Variants in GRIP2 observed in about 807,000 individuals in gnomAD.
GRIP2 encodes the protein glutamate receptor-interacting protein 2.
In GRIP2, 58 loss-of-function variants were observed where a neutral mutation model predicts 108.3. That is an observed-to-expected ratio of 0.54 (90% CI 0.43 to 0.67). The LOEUF is 0.67. Ranked by LOEUF, GRIP2 falls within the 30% of genes least tolerant of loss-of-function variation. GRIP2 has a pLI of 0.00. For synonymous variants in GRIP2, 586 were observed against 598.2 expected, an observed-to-expected ratio of 0.98 and a Z score of 0.30; for missense variants, 1,278 against 1,430.6, an observed-to-expected ratio of 0.89 and a Z score of 1.72.
the GRIP2 span, among the ~76,000 whole-genome samples, chr3:14,590,211 T>C: frequency 1.3e-5 from 2 of 152,214 alleles, no homozygotes; most frequent in African/African-American, 2.4e-5. Context: ...CTTTCAGCCC[T>C]TTCTGGCCAC....
At position 14,503,609 on chromosome 3, in the gene GRIP2, T is replaced by A. The variant is rs758046465; in HGVS notation, c.2636A>T (p.Asp879Val). The part of the protein sequence containing the change: ...FWRMFGEALE[D>V]LESCGQSELL... ...CTCTGACTGACCACATGACTCCAGG[T>A]CTTCGAGAGCTTCTCCAAACATGCG... The change falls in exon 21 of 24, where the codon GAC becomes GTC. Residue 879 changes from aspartate (D) to valine (V), a missense_variant. Transcript: ENST00000621039. The A allele has an allele frequency of 1.9e-6, 3 of 1,611,530 alleles. No individual in the cohort carries two copies. The highest frequency in any genetic ancestry group is 2.5e-6 in the Non-Finnish European group (3 of 1,179,110).
chr3:14,517,695 C>G, intron 10 of GRIP2, 77 bp downstream of exon 10: 1 of 1,550,616 alleles, frequency 6.4e-7, no homozygotes, highest in South Asian at 1.2e-5. Flanking sequence ...AGTTTCCTTC[C>G]CTTAGACAAC....
At chr3:14,581,238 G>A in the GRIP2 span, among the ~76,000 whole-genome samples, 8 of 152,194 alleles carry the variant, frequency 5.3e-5, no homozygotes, top group Admixed American at 5.2e-4. Flanking sequence ...AATGAACTGA[G>A]GCTCCCACAG....
chr3:14,587,639 CAAAAAAA>C, the GRIP2 span, among the ~76,000 whole-genome samples: 1 of 124,398 alleles, frequency 8.0e-6, no homozygotes, highest in Non-Finnish European at 1.7e-5. Context: ...ATGCCATCTC[CAAAAAAA>C]AAAAAAAAAC....
the GRIP2 span, chr3:14,573,136 A>G: frequency 7.0e-7 from 1 of 1,431,524 alleles, no homozygotes; most frequent in Non-Finnish European, 9.8e-7. Flanking sequence ...AGCAGCCCAA[A>G]GGTGCAGAGG....
Position 14,489,469 on chromosome 3 carries a change from G to A in GRIP2, c.*4196C>T, listed in dbSNP as rs1404895306. ...CTCCTCAAAGGTAGGTATTTTCCCA[G>A]GTTAGAGGTTCCCACATGGAGGCTC... is the stretch of plus-strand genomic sequence containing the variant. On this transcript the variant is annotated 3_prime_UTR_variant, in exon 24 of 24. Coordinates refer to ENST00000621039, the MANE Select transcript of GRIP2 (RefSeq NM_001080423.4). 1 of 152,588 alleles carries A rather than the reference G, an allele frequency of 6.6e-6. No individual in the cohort carries two copies. The highest frequency in any genetic ancestry group is 2.4e-5 in the African/African-American group (1 of 41,448). The allele number at this position is 152,588 out of a possible 1,614,324, so 9.5% of individuals were successfully genotyped here.
intron 1 of GRIP2, among the ~76,000 whole-genome samples, chr3:14,535,357 G>A (rs1486799091): frequency 6.6e-6 from 1 of 152,158 alleles, no homozygotes; most frequent in Non-Finnish European, 1.5e-5. Context: ...CTGCAAAATG[G>A]GGGTACTGGT....
the GRIP2 span, among the ~76,000 whole-genome samples, chr3:14,562,371 G>A: frequency 7.2e-5 from 11 of 152,144 alleles, no homozygotes; most frequent in Non-Finnish European, 1.6e-4. Context: ...GCCAAATCTG[G>A]GACAACTTGA....
the GRIP2 span, among the ~76,000 whole-genome samples, chr3:14,567,022 TTGAATGAATGAA>T: frequency 1.0e-3 from 154 of 151,936 alleles, 2 homozygotes; most frequent in East Asian, 0.024. Flanking sequence ...AAGGACTCAC[TTGAATGAATGAA>T]TGAATGAATG....
At chr3:14,563,720 G>T in the GRIP2 span, among the ~76,000 whole-genome samples, 1 of 152,220 alleles carries the variant, frequency 6.6e-6, no homozygotes, top group South Asian at 2.1e-4. Context: ...ATGTCACCTG[G>T]CAGCTAGAAT....
intron 1 of GRIP2, among the ~76,000 whole-genome samples, chr3:14,530,074 G>C (rs1694669258): frequency 6.6e-6 from 1 of 152,162 alleles, no homozygotes; most frequent in African/African-American, 2.4e-5. Context: ...CCAGAAACAA[G>C]GGGCACACCT....
Position 14,507,717 on chromosome 3 carries a change from G to T in GRIP2, c.2079-17C>A, listed in dbSNP as rs1313845776. 2 of 1,609,718 alleles carry T rather than the reference G, an allele frequency of 1.2e-6. No homozygotes were observed. Among genetic ancestry groups the T allele is most frequent in the East Asian group, 2.2e-5 (1 of 44,712 alleles). On this transcript the variant is annotated splice_polypyrimidine_tract_variant and intron_variant, in intron 17 of 23. Transcript: ENST00000621039. The surrounding 1 kb of genome is among the most constrained non-coding windows in gnomAD (Gnocchi z 4.6). ...GCACCAGTCCTGAGGAGTGGATGCA[G>T]GGCAGAGAATGGGAGTTAGACACTC...
At chr3:14,545,361 C>A (rs980831305), upstream of GRIP2, among the ~76,000 whole-genome samples, 2 of 152,380 alleles carry the variant, frequency 1.3e-5, no homozygotes, top group Admixed American at 1.3e-4. Context: ...GCATCCCCAC[C>A]CAGTGGCCCC....
intron 1 of GRIP2, among the ~76,000 whole-genome samples, chr3:14,526,682 C>G (rs1321537849): frequency 6.6e-6 from 1 of 152,178 alleles, no homozygotes; most frequent in Non-Finnish European, 1.5e-5. Context: ...CACATCCACA[C>G]CCACCCTTCT....
chr3:14,547,267 T>A (rs994480124), intron 1 of GRIP2, among the ~76,000 whole-genome samples: 1 of 152,238 alleles, frequency 6.6e-6, no homozygotes, highest in Non-Finnish European at 1.5e-5. Context: ...GGTGTCATTA[T>A]GTATCGAAAG....
intron 1 of GRIP2, among the ~76,000 whole-genome samples, chr3:14,529,025 CT>C (rs2124937418): frequency 6.6e-6 from 1 of 151,040 alleles, no homozygotes; most frequent in South Asian, 2.1e-4. Context: ...AATCCCAGCA[CT>C]TTGGGAGGCC....
chr3:14,549,555 C>A (rs1695111076), intron 1 of GRIP2, among the ~76,000 whole-genome samples: 1 of 152,224 alleles, frequency 6.6e-6, no homozygotes, highest in African/African-American at 2.4e-5. Context: ...GAAGAACAAA[C>A]CATCTTCCCA....
chr3:14,506,867 G>GC lies in GRIP2; in HGVS notation c.2331dup (p.Pro778AlafsTer64), dbSNP rs758578105. The GC allele has an allele frequency of 6.2e-7, 1 of 1,606,792 alleles. No homozygotes were observed. The highest frequency in any genetic ancestry group is 8.5e-7 in the Non-Finnish European group (1 of 1,176,724). ...GACTCCACAGCACTGTCCACACTGG[G>GC]CACAGCCGGCGAGAAGCGGGCTGCT... On this transcript the variant is annotated frameshift_variant, in exon 19 of 24. Transcript: ENST00000621039. LOFTEE classifies it high-confidence loss of function.
At chr3:14,581,338 C>T in the GRIP2 span, among the ~76,000 whole-genome samples, 5 of 152,248 alleles carry the variant, frequency 3.3e-5, no homozygotes, top group Non-Finnish European at 7.3e-5. Context: ...CCCTCCCTTA[C>T]CCCCTGTCCA....
Sources: gnomAD v4.1 joint callset for allele counts (sites outside exome capture counted in the v4.1 genomes callset) on GRCh38, gnomAD v4.1.1 for gene constraint, Gnocchi (gnomAD v3.1) non-coding constraint, MANE v1.5 for transcripts, NCBI Gene and HGNC (gene_info 2026-07-23, HGNC 2026-07-21) for gene names.